RIMS2: variants seen among roughly 807,000 people sequenced by gnomAD.
RIMS2 encodes the protein regulating synaptic membrane exocytosis protein 2.
Under a neutral mutation model 174.4 loss-of-function variants are expected in RIMS2, and 59 were observed. The ratio of observed to expected loss-of-function variants is 0.34; its 90% CI spans 0.27 to 0.42. The LOEUF (loss-of-function observed/expected upper bound fraction) is 0.42, where lower values mean the gene tolerates loss of function less well. Among genes scored for constraint, RIMS2 ranks in the 10% least tolerant of loss-of-function variants. The pLI is 1.00. For synonymous variants in RIMS2, 606 were observed against 572.5 expected (o/e 1.06, Z -0.84); for missense variants, 1,620 against 1,666.3 (o/e 0.97, Z 0.48).
chr8:103,920,874 C>T (rs1239548772), intron 9 of RIMS2: 1 of 342,746 alleles, frequency 2.9e-6, no homozygotes, highest in African/African-American at 2.2e-5. Context: ...TGGCAGGCGC[C>T]TGTAGTCCCA....
intron 3 of RIMS2, among the ~76,000 whole-genome samples, chr8:103,839,689 G>A (rs1447003386): frequency 2.6e-5 from 4 of 152,194 alleles, no homozygotes; most frequent in Non-Finnish European, 5.9e-5. Flanking sequence ...ACTGCTTAGA[G>A]TTTGGGCAGG....
At chr8:103,747,409 G>A (rs553404244) in intron 2 of RIMS2, among the ~76,000 whole-genome samples, 1 of 151,100 alleles carries the variant, frequency 6.6e-6, no homozygotes, top group East Asian at 1.9e-4. Context: ...GAGCAAAACA[G>A]GAAGTATTAA....
intron 2 of RIMS2, among the ~76,000 whole-genome samples, chr8:103,744,043 GTTGT>G (rs773681932): frequency 5.5e-4 from 83 of 152,040 alleles, no homozygotes; most frequent in Admixed American, 3.5e-3. Flanking sequence ...ATTTTTTGTT[GTTGT>G]TTGTTTGTTT....
intron 3 of RIMS2, among the ~76,000 whole-genome samples, chr8:103,884,094 AT>A (rs1444078883): frequency 6.6e-6 from 1 of 151,852 alleles, no homozygotes; most frequent in Admixed American, 6.6e-5. Context: ...TAATTGGTAG[AT>A]TGGCAGACTG....
At chr8:103,876,742 C>G (rs544718078) in intron 3 of RIMS2, among the ~76,000 whole-genome samples, 1 of 150,452 alleles carries the variant, frequency 6.6e-6, no homozygotes, top group Admixed American at 6.7e-5. Context: ...AGGCTCCAAT[C>G]CCATCCAGGT....
intron 14 of RIMS2, among the ~76,000 whole-genome samples, chr8:103,950,375 G>A (rs1488377352): frequency 1.3e-5 from 2 of 151,944 alleles, no homozygotes; most frequent in Non-Finnish European, 2.9e-5. Context: ...ATTAAATTTA[G>A]AAATATTTTG....
At chr8:103,815,537 A>G (rs1008858885) in intron 3 of RIMS2, among the ~76,000 whole-genome samples, 1 of 152,140 alleles carries the variant, frequency 6.6e-6, no homozygotes, top group African/African-American at 2.4e-5. Flanking sequence ...CATCTATACC[A>G]TTTGTAATAG....
intron 20 of RIMS2, 78 bp from the exon 27 acceptor site, chr8:104,248,623 G>A (rs1373345258): frequency 3.7e-6 from 3 of 806,362 alleles, no homozygotes; most frequent in African/African-American, 3.4e-5. Flanking sequence ...CCACAATAAT[G>A]AGGCTAGAAT....
chr8:103,908,534 A>G (rs2074994107), intron 4 of RIMS2, among the ~76,000 whole-genome samples: 1 of 152,032 alleles, frequency 6.6e-6, no homozygotes, highest in African/African-American at 2.4e-5. Flanking sequence ...ATTCCCTGTT[A>G]CCCTTCCCTA....
chr8:104,121,986 T>C (rs1176132712), intron 19 of RIMS2, among the ~76,000 whole-genome samples: 4 of 151,824 alleles, frequency 2.6e-5, no homozygotes, highest in African/African-American at 7.3e-5. Flanking sequence ...AATAAAATAA[T>C]ATAATAGAAT....
chr8:103,709,253 T>C (rs2097271809), intron 2 of RIMS2, among the ~76,000 whole-genome samples: 1 of 152,120 alleles, frequency 6.6e-6, no homozygotes, highest in African/African-American at 2.4e-5. Flanking sequence ...ACAGTTATAA[T>C]TATTGTTTCG....
At chr8:103,824,777 C>T (rs12675778) in intron 3 of RIMS2, among the ~76,000 whole-genome samples, 2 of 152,080 alleles carry the variant, frequency 1.3e-5, no homozygotes, top group African/African-American at 2.4e-5. Flanking sequence ...AACAAACTAA[C>T]GTCCAGCTGC....
chr8:103,683,766 G>A (rs529759424), intron 1 of RIMS2, among the ~76,000 whole-genome samples: 3 of 152,270 alleles, frequency 2.0e-5, no homozygotes, highest in South Asian at 2.1e-4. Flanking sequence ...CTTTTAAATG[G>A]TGGGAGAAGT....
In RIMS2 at chr8:103,574,073, C is replaced by CT. The variant is rs34229093; in HGVS notation, c.176+73024dup. Among the ~76,000 whole-genome samples the CT allele has an allele frequency of 6.1e-3, 886 of 146,374 alleles. 10 individuals carry two copies. The highest frequency in any genetic ancestry group is 0.017 in the African/African-American group (686 of 40,262). Reference sequence around the variant, plus strand: ...TGGCCATTGACTTCAGTAAGCAATACTTTTTTTTTTTTTCCTATCTAAAAG... The same window carrying CT: ...TGGCCATTGACTTCAGTAAGCAATACTTTTTTTTTTTTTTCCTATCTAAAAG... On this transcript the variant is annotated intron_variant, in intron 1 of 23. Coordinates refer to ENST00000504942, the Ensembl canonical transcript of RIMS2.
At chr8:103,859,248 C>T (rs1316075486) in intron 3 of RIMS2, among the ~76,000 whole-genome samples, 5 of 152,142 alleles carry the variant, frequency 3.3e-5, no homozygotes, top group African/African-American at 9.7e-5. Context: ...CTGGAACCTT[C>T]ACTTTCCGTA....
intron 1 of RIMS2, among the ~76,000 whole-genome samples, chr8:103,655,941 A>G (rs1031115173): frequency 5.3e-5 from 8 of 152,150 alleles, no homozygotes; most frequent in African/African-American, 1.4e-4. Context: ...TATAAAGAAC[A>G]TATTGACTGC....
At chr8:104,102,794 C>A (rs1271877265) in intron 19 of RIMS2, among the ~76,000 whole-genome samples, 1 of 152,188 alleles carries the variant, frequency 6.6e-6, no homozygotes, top group East Asian at 1.9e-4. Flanking sequence ...TGGGAAAAAC[C>A]CGTCCCCATG....
At chr8:103,884,033 AC>A (rs1310263619) in intron 3 of RIMS2, among the ~76,000 whole-genome samples, 2 of 151,722 alleles carry the variant, frequency 1.3e-5, no homozygotes, top group African/African-American at 4.8e-5. Flanking sequence ...CTGAATTAAA[AC>A]CCTTCCTACC....
intron 1 of RIMS2, among the ~76,000 whole-genome samples, chr8:103,629,436 C>A (rs115732550): frequency 1.3e-5 from 2 of 152,086 alleles, no homozygotes; most frequent in South Asian, 2.1e-4. Context: ...GTGGGGCAGA[C>A]CAGAAGCATG....
Sources: allele counts gnomAD v4.1 joint callset (sites outside exome capture counted in the v4.1 genomes callset), GRCh38; gene constraint gnomAD v4.1.1; transcripts MANE v1.5; gene names NCBI Gene and HGNC (gene_info 2026-07-23, HGNC 2026-07-21).